DUSP7: variants seen among roughly 807,000 people sequenced by gnomAD.
DUSP7 encodes dual specificity protein phosphatase 7.
In DUSP7, 7 loss-of-function variants were observed where a neutral mutation model predicts 29.8. The observed-to-expected ratio is 0.24, with a 90% confidence interval of 0.13 to 0.44. The LOEUF (loss-of-function observed/expected upper bound fraction) is 0.44. Among genes scored for constraint, DUSP7 ranks in the 20% least tolerant of loss-of-function variants. The pLI is 1.00. For missense variants in DUSP7, 400 were observed against 583.7 expected (o/e 0.69, Z 3.24); for synonymous variants, 287 against 275.4 (o/e 1.04, Z -0.42).
rs1340274473 is a variant in DUSP7 at position 52,049,822 on chromosome 3, G to A, written c.*993C>T. On this transcript the variant is annotated 3_prime_UTR_variant, in exon 3 of 3. Coordinates refer to ENST00000495880, the MANE Select transcript of DUSP7 (RefSeq NM_001947.4). ...ACAGACAGACAGAAGTAGTGGCTAA[G>A]TATATAAAAGGGCTCAGAGCCCAGG... The A allele has an allele frequency of 6.6e-6, 1 of 152,242 alleles. No homozygotes were observed. 9.4% of individuals were successfully genotyped at this position (152,242 alleles called of 1,614,324 possible).
Position 52,053,690 on chromosome 3 carries a change from C to T in DUSP7, c.952+250G>A. ...AAAACACAAGCTGGACAGCAGAGAGCCCATGACGTGCTGTCAGCTAGGGGG... is the reference window on the plus strand; with the variant it reads ...AAAACACAAGCTGGACAGCAGAGAGTCCATGACGTGCTGTCAGCTAGGGGG... On this transcript the variant is annotated intron_variant, in intron 2 of 2. Transcript: ENST00000495880. This position sits in a 1 kb window ranked among gnomAD's most constrained non-coding sequence, Gnocchi z 4.6. 1 of 553,692 alleles carries T rather than the reference C, an allele frequency of 1.8e-6. No individual in the cohort carries two copies. Among genetic ancestry groups the T allele is most frequent in the Non-Finnish European group, 3.3e-6 (1 of 307,598 alleles). 34.3% of individuals were successfully genotyped at this position (553,692 alleles called of 1,614,324 possible). A position where few individuals can be genotyped will look rare whatever the true frequency, so the allele number is the denominator to read the frequency against.
chr3:52,051,632 G>A lies in DUSP7; in HGVS notation c.953-510C>T, dbSNP rs891009095. ...CCACACAGAAGCTCCTCCTAGCTCA[G>A]CGCCCGCTGCTGCCAGGCCATGACC... On this transcript the variant is annotated intron_variant, in intron 2 of 2. Transcript: ENST00000495880. This position sits in a 1 kb window ranked among gnomAD's most constrained non-coding sequence, Gnocchi z 4.8. 6.5e-6 allele frequency: 1 copy of A among 153,646 alleles called. No homozygotes were observed. Among genetic ancestry groups the A allele is most frequent in the Non-Finnish European group, 1.5e-5 (1 of 68,964 alleles). 9.5% of individuals were successfully genotyped at this position (153,646 alleles called of 1,614,324 possible).
chr3:52,052,261 A>G (rs1701855523), intron 2 of DUSP7: 1 of 152,270 alleles, frequency 6.6e-6, no homozygotes, highest in Admixed American at 6.5e-5. Context: ...CTAGCACGCA[A>G]TCAATGCCTT....
rs767840031 is a variant in DUSP7 at position 52,054,418 on chromosome 3, A to G, written c.518-44T>C. ...AGGGCCTGGGTGAGAGGCTGGTGAG[A>G]GCCCAGATGGGCTGCACAAGACCAG... On this transcript the variant is annotated intron_variant, in intron 1 of 2. Transcript: ENST00000495880. The surrounding 1 kb of genome is among the most constrained non-coding windows in gnomAD (Gnocchi z 4.1). 1 of 1,489,134 alleles carries G rather than the reference A, an allele frequency of 6.7e-7. No homozygotes were observed. The highest frequency in any genetic ancestry group is 2.3e-5 in the Admixed American group (1 of 43,532). 92.2% of individuals were successfully genotyped at this position (1,489,134 alleles called of 1,614,324 possible).
At position 52,051,233 on chromosome 3, in the gene DUSP7, G is replaced by A; in HGVS notation, c.953-111C>T. ...GGCAGCATGGTGGCTGGCTGGTCTT[G>A]CCCGACCCCTGAGGGACCTGGCCAA... On this transcript the variant is annotated intron_variant, in intron 2 of 2. Transcript: ENST00000495880. The surrounding 1 kb of genome is among the most constrained non-coding windows in gnomAD (Gnocchi z 4.8). The A allele has an allele frequency of 7.7e-7, 1 of 1,305,212 alleles. No individual in the cohort carries two copies. Among genetic ancestry groups the A allele is most frequent in the Non-Finnish European group, 1.0e-6 (1 of 964,460 alleles). 80.9% of individuals were successfully genotyped at this position (1,305,212 alleles called of 1,614,324 possible). A position where few individuals can be genotyped will look rare whatever the true frequency, so the allele number is the denominator to read the frequency against.
At chr3:52,055,813 G>GC in intron 1 of DUSP7, 37 bp downstream of exon 1, 1 of 1,488,156 alleles carries the variant, frequency 6.7e-7, no homozygotes, top group South Asian at 1.4e-5. Flanking sequence ...TCGCGGGGGG[G>GC]CCCCGATCCC....
Position 52,054,895 on chromosome 3 carries a change from T to G in DUSP7, c.518-521A>C, listed in dbSNP as rs1701883227. Among the ~76,000 whole-genome samples, 1 of 152,200 alleles carries G rather than the reference T, an allele frequency of 6.6e-6. No homozygotes were observed. The highest frequency in any genetic ancestry group is 2.1e-4 in the South Asian group (1 of 4,834). On this transcript the variant is annotated intron_variant, in intron 1 of 2. Transcript: ENST00000495880. This position sits in a 1 kb window ranked among gnomAD's most constrained non-coding sequence, Gnocchi z 4.1. ...GGCTTCCTGAACGGGAGTCTAGTGG[T>G]TGCCCAGCCCCGAAACTACAGCTGG...
At position 52,053,942 on chromosome 3, in the gene DUSP7, A is replaced by G. The variant is rs781221495; in HGVS notation, c.950T>C (p.Ile317Thr). 1 of 1,613,980 alleles carries G rather than the reference A, an allele frequency of 6.2e-7. No individual in the cohort carries two copies. The highest frequency in any genetic ancestry group is 8.5e-7 in the Non-Finnish European group (1 of 1,179,944). Residue 317 changes from isoleucine to threonine, a missense_variant and splice_region_variant, in exon 2 of 3, where the codon ATT becomes ACT. Physicochemically the swap from Ile to Thr is moderately conservative, Grantham distance 89. Around this residue, in one of 4 missense-constraint regions of DUSP7, gnomAD observed 223 missense variants for 360.9 expected, o/e 0.62. Coordinates refer to ENST00000495880, the MANE Select transcript of DUSP7 (RefSeq NM_001947.4). The surrounding 1 kb of genome is among the most constrained non-coding windows in gnomAD (Gnocchi z 4.6). ...CCTGCCCAGCACACAGCACCTACCA[A>G]TGAAGCTGATGGCCTCAGGGAAGAA... is the stretch of plus-strand genomic sequence containing the variant. Reference protein sequence around the residue: ...SQFFPEAISFIDEARSKKCGV... With the variant: ...SQFFPEAISFTDEARSKKCGV...
At chr3:52,055,224 G>A (rs1701888507) in intron 1 of DUSP7, among the ~76,000 whole-genome samples, 1 of 127,386 alleles carries the variant, frequency 7.9e-6, no homozygotes, top group Non-Finnish European at 1.6e-5. Context: ...TCAGCCACTC[G>A]CCCCCCGGTG....
Position 52,054,145 on chromosome 3 carries a change from C to T in DUSP7, c.747G>A (p.Leu249=), listed in dbSNP as rs375913921. Residue 249 remains leucine, a synonymous_variant, in exon 2 of 3, where the codon CTG becomes CTA. Coordinates refer to ENST00000495880, the MANE Select transcript of DUSP7 (RefSeq NM_001947.4). The surrounding 1 kb of genome is among the most constrained non-coding windows in gnomAD (Gnocchi z 4.1). The stretch of plus-strand genomic sequence containing the variant: ...TGGCGCAGCCGAGGTAGAGGTAGGG[C>T]AGGATCTGGACAGGGAAGGCTGGTT... The part of the protein sequence containing the change: ...SSQPAFPVQI[L]PYLYLGCAKD... 6 of 1,614,010 alleles carry T rather than the reference C, an allele frequency of 3.7e-6. No individual in the cohort carries two copies. The highest frequency in any genetic ancestry group is 5.1e-6 in the Non-Finnish European group (6 of 1,180,030).
chr3:52,055,672 C>A (rs893796670), intron 1 of DUSP7, among the ~76,000 whole-genome samples, 178 bp downstream of exon 1: 1 of 152,242 alleles, frequency 6.6e-6, no homozygotes, highest in African/African-American at 2.4e-5. Flanking sequence ...AGAGGGAGCC[C>A]CGCGCCTGCC....
In DUSP7 at chr3:52,050,142, C is replaced by A. The variant is rs1701831209; in HGVS notation, c.*673G>T. The A allele has an allele frequency of 6.6e-6, 1 of 152,092 alleles. No homozygotes were observed. The highest frequency in any genetic ancestry group is 2.4e-5 in the African/African-American group (1 of 41,302). The allele number at this position is 152,092 out of a possible 1,614,324, so 9.4% of individuals were successfully genotyped here. A position where few individuals can be genotyped will look rare whatever the true frequency, so the allele number is the denominator to read the frequency against. On this transcript the variant is annotated 3_prime_UTR_variant, in exon 3 of 3. Coordinates refer to ENST00000495880, the MANE Select transcript of DUSP7 (RefSeq NM_001947.4). This position sits in a 1 kb window ranked among gnomAD's most constrained non-coding sequence, Gnocchi z 5.0. ...ATACCTGAAGAGCAGTAAGCCACCC[C>A]TTCAAGAAGGGCCCGCTGAGGAAAC...
In DUSP7 at chr3:52,054,820, C is replaced by T. The variant is rs1324178576; in HGVS notation, c.518-446G>A. On this transcript the variant is annotated intron_variant, in intron 1 of 2. Transcript: ENST00000495880. The surrounding 1 kb of genome is among the most constrained non-coding windows in gnomAD (Gnocchi z 4.1). ...TGGCAAACTCCTCTTATAGATGAGA[C>T]CACAGGTGCCAGAGCCACATCTGGC... Among the ~76,000 whole-genome samples, 1 of 152,238 alleles carries T rather than the reference C, an allele frequency of 6.6e-6. No individual in the cohort carries two copies. Among genetic ancestry groups the T allele is most frequent in the Non-Finnish European group, 1.5e-5 (1 of 68,038 alleles).
Position 52,050,712 on chromosome 3 carries a change from T to G in DUSP7, c.*103A>C. 1 of 1,314,400 alleles carries G rather than the reference T, an allele frequency of 7.6e-7. No homozygotes were observed. Among genetic ancestry groups the G allele is most frequent in the South Asian group, 1.5e-5 (1 of 68,054 alleles). 81.4% of individuals were successfully genotyped at this position (1,314,400 alleles called of 1,614,324 possible). On this transcript the variant is annotated 3_prime_UTR_variant, in exon 3 of 3. Coordinates refer to ENST00000495880, the MANE Select transcript of DUSP7 (RefSeq NM_001947.4). This position sits in a 1 kb window ranked among gnomAD's most constrained non-coding sequence, Gnocchi z 5.0. The stretch of plus-strand genomic sequence containing the variant: ...CCTGGGCCTCTGGGCACAGGTGACA[T>G]CTGGGGGTTCCTCAGGCCAGAGGTG...
chr3:52,053,869 G>A lies in DUSP7; in HGVS notation c.952+71C>T, dbSNP rs564641801. The A allele has an allele frequency of 1.3e-5, 20 of 1,558,930 alleles. No homozygotes were observed. Among genetic ancestry groups the A allele is most frequent in the South Asian group, 3.4e-5 (3 of 89,216 alleles). On this transcript the variant is annotated intron_variant, in intron 2 of 2. Transcript: ENST00000495880. The surrounding 1 kb of genome is among the most constrained non-coding windows in gnomAD (Gnocchi z 4.6). ...CAGGCCCAGAGGTACCCAGTCAGGC[G>A]GGGGCGCCACCCAGAGTCCTGCATA...
Position 52,054,441 on chromosome 3 carries a change from C to T in DUSP7, c.518-67G>A, listed in dbSNP as rs755497707. On this transcript the variant is annotated intron_variant, in intron 1 of 2. Transcript: ENST00000495880. This position sits in a 1 kb window ranked among gnomAD's most constrained non-coding sequence, Gnocchi z 4.1. ...AGAGCCCAGATGGGCTGCACAAGAC[C>T]AGAGATGGCCAGGACTCTGCACGCC... 15 of 1,360,914 alleles carry T rather than the reference C, an allele frequency of 1.1e-5. No homozygotes were observed. The highest frequency in any genetic ancestry group is 1.4e-5 in the Non-Finnish European group (14 of 1,002,900). 84.3% of individuals were successfully genotyped at this position (1,360,914 alleles called of 1,614,324 possible).
At position 52,056,293 on chromosome 3, in the gene DUSP7, G is replaced by T. The variant is rs1224126628; in HGVS notation, c.74C>A (p.Thr25Asn). 7 of 1,215,720 alleles carry T rather than the reference G, an allele frequency of 5.8e-6. No individual in the cohort carries two copies. Among genetic ancestry groups the T allele is most frequent in the Non-Finnish European group, 7.1e-6 (7 of 979,808 alleles). The allele number at this position is 1,215,720 out of a possible 1,614,324, so 75.3% of individuals were successfully genotyped here. The change falls in exon 1 of 3, where the codon ACC (threonine) becomes AAC (asparagine). Residue 25 changes from threonine (T) to asparagine (N), a missense_variant. This residue lies in a region of DUSP7 where 96 missense variants were observed against 97.1 expected (regional missense o/e 0.99). Transcript: ENST00000495880. The surrounding 1 kb of genome is among the most constrained non-coding windows in gnomAD (Gnocchi z 6.4). ...CGCACCGGGCTCGGACCCCGCCCGG[G>T]TGCCCCCAGCCGCCGCCGCCCCCGA... ...STSGAAAAGG[T>N]RAGSEPGAGS...
Position 52,053,363 on chromosome 3 carries a change from C to T in DUSP7, c.952+577G>A, listed in dbSNP as rs1701864562. ...TGGGGAAGGCCTTTCTCCACTCCCCCACCTTCTCTTGCACTCCTCCCTACA... is the reference window on the plus strand; with the variant it reads ...TGGGGAAGGCCTTTCTCCACTCCCCTACCTTCTCTTGCACTCCTCCCTACA... On this transcript the variant is annotated intron_variant, in intron 2 of 2. Coordinates refer to ENST00000495880, the MANE Select transcript of DUSP7 (RefSeq NM_001947.4). The surrounding 1 kb of genome is among the most constrained non-coding windows in gnomAD (Gnocchi z 4.6). 1 of 162,614 alleles carries T rather than the reference C, an allele frequency of 6.1e-6. No individual in the cohort carries two copies. Among genetic ancestry groups the T allele is most frequent in the Admixed American group, 5.6e-5 (1 of 17,840 alleles). The allele number at this position is 162,614 out of a possible 1,614,324, so 10.1% of individuals were successfully genotyped here.
chr3:52,056,357 G>T lies in DUSP7; in HGVS notation c.10C>A (p.Gln4Lys). The T allele has an allele frequency of 8.8e-7, 1 of 1,131,836 alleles. No individual in the cohort carries two copies. The highest frequency in any genetic ancestry group is 1.1e-6 in the Non-Finnish European group (1 of 926,116). 70.1% of individuals were successfully genotyped at this position (1,131,836 alleles called of 1,614,324 possible). A position where few individuals can be genotyped will look rare whatever the true frequency, so the allele number is the denominator to read the frequency against. Reference sequence around the variant, plus strand: ...GCCCGCGCTGGGGGGCCGCGGAGCTGGTTTTTCATGGGGAGCGCGGGCGGC... The same window carrying T: ...GCCCGCGCTGGGGGGCCGCGGAGCTTGTTTTTCATGGGGAGCGCGGGCGGC... MKNQLRGPPARAHM... is the reference protein window; with the variant it reads MKNKLRGPPARAHM... Residue 4 changes from glutamine to lysine, a missense_variant, in exon 1 of 3, where the codon CAG becomes AAG. Gln to Lys is a moderately conservative substitution (Grantham distance 53). This residue lies in a region of DUSP7 where 96 missense variants were observed against 97.1 expected (regional missense o/e 0.99). Coordinates refer to ENST00000495880, the MANE Select transcript of DUSP7 (RefSeq NM_001947.4). This position sits in a 1 kb window ranked among gnomAD's most constrained non-coding sequence, Gnocchi z 6.4.
Sources: gnomAD v4.1 joint callset for allele counts (sites outside exome capture counted in the v4.1 genomes callset) on GRCh38, gnomAD v4.1.1 for gene constraint, gnomAD v4.1.1 regional missense constraint, Gnocchi (gnomAD v3.1) non-coding constraint, MANE v1.5 for transcripts, NCBI Gene and HGNC (gene_info 2026-07-23, HGNC 2026-07-21) for gene names.